The following SLC9C1 variants were observed in gnomAD, a reference collection of about 807,000 sequenced individuals.
The protein encoded by SLC9C1 is solute carrier family 9 member C1.
A neutral mutation model predicts 140.9 loss-of-function variants in SLC9C1; 97 were observed. The observed-to-expected ratio is 0.69, with a 90% CI of 0.58 to 0.82. The LOEUF (loss-of-function observed/expected upper bound fraction) is 0.82. Ranked by LOEUF, SLC9C1 falls within the 40% of genes least tolerant of loss-of-function variation. The probability of loss-of-function intolerance (pLI) is 0.00; values close to 1 mark genes in which losing one functional copy is unlikely to be tolerated. For missense variants in SLC9C1, 1,340 were observed against 1,389.3 expected, an observed-to-expected ratio of 0.96 and a Z score of 0.56; for synonymous variants, 440 against 442.6, an observed-to-expected ratio of 0.99 and a Z score of 0.07.
intron 15 of SLC9C1, among the ~76,000 whole-genome samples, chr3:112,210,432 C>G (rs761891858): frequency 6.6e-6 from 1 of 152,048 alleles, no homozygotes; most frequent in African/African-American, 2.4e-5. Context: ...GTCAAAGAAG[C>G]GAGAAACACA....
chr3:112,154,061 AT>A (rs1237314996), intron 27 of SLC9C1, among the ~76,000 whole-genome samples: 4 of 145,510 alleles, frequency 2.7e-5, no homozygotes, highest in African/African-American at 1.0e-4. Flanking sequence ...TTCAACATAT[AT>A]TTGTGAGGAG....
intron 18 of SLC9C1, among the ~76,000 whole-genome samples, 155 bp downstream of exon 18, chr3:112,202,095 T>A (rs1213695766): frequency 6.6e-6 from 1 of 151,980 alleles, no homozygotes. Context: ...AGGAGGCATT[T>A]GAGTAATTTA....
At position 112,286,879 on chromosome 3, in the gene SLC9C1, C is replaced by A; in HGVS notation, c.-87-1G>T. ...GTTGTTTTTCACAGTCCATCTGAATCTAAGAAACATAAGATTTGCCTTCTT... is the reference window on the plus strand; with the variant it reads ...GTTGTTTTTCACAGTCCATCTGAATATAAGAAACATAAGATTTGCCTTCTT... On this transcript the variant is annotated splice_acceptor_variant, in intron 1 of 28. Coordinates refer to ENST00000305815, the MANE Select transcript of SLC9C1 (RefSeq NM_183061.3). LOFTEE classifies it low-confidence loss of function (5UTR_SPLICE). The A allele has an allele frequency of 2.4e-6, 2 of 821,690 alleles. No individual in the cohort carries two copies. Among genetic ancestry groups the A allele is most frequent in the South Asian group, 2.7e-5 (1 of 36,552 alleles). 50.9% of individuals were successfully genotyped at this position (821,690 alleles called of 1,614,324 possible). A position where few individuals can be genotyped will look rare whatever the true frequency, so the allele number is the denominator to read the frequency against.
At chr3:112,220,089 C>G (rs1277803249) in intron 14 of SLC9C1, among the ~76,000 whole-genome samples, 1 of 152,134 alleles carries the variant, frequency 6.6e-6, no homozygotes, top group Non-Finnish European at 1.5e-5. Flanking sequence ...AAAGGACAAA[C>G]AGAGACCCTG....
At chr3:112,162,864 A>G (rs2075348889) in intron 26 of SLC9C1, among the ~76,000 whole-genome samples, 1 of 128,468 alleles carries the variant, frequency 7.8e-6, no homozygotes, top group South Asian at 3.1e-4. Flanking sequence ...TCCTCCTTGT[A>G]CCTCTGGTAG....
chr3:112,217,570 A>G lies in SLC9C1; in HGVS notation c.1671-9T>C, dbSNP rs755439606. 47 of 1,564,134 alleles carry G rather than the reference A, an allele frequency of 3.0e-5. No homozygotes were observed. The highest frequency in any genetic ancestry group is 1.8e-4 in the Middle Eastern group (1 of 5,608). ...TATCAAGACTCATACATCTAGAAAA[A>G]GAGAGAAATCTTTAAACATGCTTTA... On this transcript the variant is annotated splice_polypyrimidine_tract_variant and intron_variant, in intron 14 of 28. Coordinates refer to ENST00000305815, the MANE Select transcript of SLC9C1 (RefSeq NM_183061.3).
chr3:112,198,392 T>C (rs2077819516), intron 20 of SLC9C1, among the ~76,000 whole-genome samples: 1 of 151,994 alleles, frequency 6.6e-6, no homozygotes, highest in Non-Finnish European at 1.5e-5. Context: ...CTTTCCAAAA[T>C]TTTCATCTTT....
At chr3:112,256,941 A>T (rs1001105725) in intron 10 of SLC9C1, among the ~76,000 whole-genome samples, 2 of 152,108 alleles carry the variant, frequency 1.3e-5, no homozygotes, top group Non-Finnish European at 2.9e-5. Context: ...AGCCAAATCA[A>T]GAATTCAATC....
At chr3:112,250,501 A>G (rs2079424050) in intron 10 of SLC9C1, among the ~76,000 whole-genome samples, 1 of 148,400 alleles carries the variant, frequency 6.7e-6, no homozygotes, top group Admixed American at 6.8e-5. Context: ...GACTTCCACA[A>G]TGGTTGAACT....
Position 112,264,249 on chromosome 3 carries a change from C to A in SLC9C1, c.973G>T (p.Val325Phe), listed in dbSNP as rs2079855991. 7.3e-7 allele frequency: 1 copy of A among 1,378,232 alleles called. No homozygotes were observed. The highest frequency in any genetic ancestry group is 9.6e-7 in the Non-Finnish European group (1 of 1,037,926). The allele number at this position is 1,378,232 out of a possible 1,614,324, so 85.4% of individuals were successfully genotyped here. ...PAHTYLYIEF[V>F]DIYYSLNIYL... ...ATATTTAATGAATAGTATATATCAA[C>A]AAATTCTATATACAAATATGTATGT... The change falls in exon 9 of 29, where the codon GTT becomes TTT. Residue 325 changes from valine to phenylalanine, a missense_variant. Transcript: ENST00000305815.
chr3:112,167,359 C>A lies in SLC9C1; in HGVS notation c.3238-12G>T. The A allele has an allele frequency of 1.3e-6, 2 of 1,570,608 alleles. No individual in the cohort carries two copies. The highest frequency in any genetic ancestry group is 1.9e-5 in the Admixed American group (1 of 52,182). On this transcript the variant is annotated splice_polypyrimidine_tract_variant and intron_variant, in intron 25 of 28. Coordinates refer to ENST00000305815, the MANE Select transcript of SLC9C1 (RefSeq NM_183061.3). ...TCAATACTTTGTATCTGAAAGTTGA[C>A]AGAATGCAAGTTAATTTCTGAGCAA...
At chr3:112,238,523 G>T (rs1031375393) in intron 12 of SLC9C1, among the ~76,000 whole-genome samples, 17 of 152,204 alleles carry the variant, frequency 1.1e-4, no homozygotes, top group Non-Finnish European at 2.2e-4. Flanking sequence ...TTTGGAGGAG[G>T]AGAGGTGCTC....
intron 10 of SLC9C1, among the ~76,000 whole-genome samples, chr3:112,255,518 A>G (rs930889582): frequency 6.6e-6 from 1 of 152,162 alleles, no homozygotes; most frequent in Non-Finnish European, 1.5e-5. Flanking sequence ...AGAAATCAAG[A>G]AGTTCTTCAA....
chr3:112,259,974 G>C (rs1474687454), intron 10 of SLC9C1, among the ~76,000 whole-genome samples: 1 of 151,910 alleles, frequency 6.6e-6, no homozygotes, highest in Non-Finnish European at 1.5e-5. Context: ...TGCTTTTTCT[G>C]CATCAATTGA....
At position 112,216,203 on chromosome 3, in the gene SLC9C1, A is replaced by G. The variant is rs867747401; in HGVS notation, c.1790+1239T>C. On this transcript the variant is annotated intron_variant, in intron 15 of 28. Coordinates refer to ENST00000305815, the MANE Select transcript of SLC9C1 (RefSeq NM_183061.3). ...TTCCTTACACCTTATACAAAAATCA[A>G]TTCAAGATGGATTAAAGACTTAAAT... Among the ~76,000 whole-genome samples the G allele has an allele frequency of 5.3e-5, 8 of 152,226 alleles. No homozygotes were observed. The South Asian group carries it at 1.7e-3, about 31-fold the overall frequency.
chr3:112,186,058 A>G (rs929835578), intron 20 of SLC9C1: 67 of 1,196,896 alleles, frequency 5.6e-5, no homozygotes, highest in Non-Finnish European at 7.2e-5. Flanking sequence ...TGCACAGTGC[A>G]CTTTCAAATC....
At chr3:112,233,109 C>T (rs1434893838) in intron 12 of SLC9C1, among the ~76,000 whole-genome samples, 6 of 148,778 alleles carry the variant, frequency 4.0e-5, no homozygotes, top group Non-Finnish European at 7.4e-5. Context: ...CTCTTTGCTG[C>T]CCAGGCTGGA....
Position 112,244,037 on chromosome 3 carries a change from CA to C in SLC9C1, c.1236del (p.Val413LeufsTer14). ...ACTGGCAAAATAAATCTATTGACAA[CA>C]AGGGTTATTAGGCATACTAACACTC... ...FHGVLVCLITLVVNRFILPVA... is the reference protein window; with the variant it reads ...FHGVLVCLITXVVNRFILPVA... On this transcript the variant is annotated frameshift_variant, in exon 11 of 29. Transcript: ENST00000305815. LOFTEE classifies it high-confidence loss of function. The C allele has an allele frequency of 6.2e-7, 1 of 1,606,610 alleles. No individual in the cohort carries two copies. Among genetic ancestry groups the C allele is most frequent in the South Asian group, 1.1e-5 (1 of 89,720 alleles).
At chr3:112,260,727 A>G (rs547512281) in intron 10 of SLC9C1, among the ~76,000 whole-genome samples, 1 of 152,156 alleles carries the variant, frequency 6.6e-6, no homozygotes, top group South Asian at 2.1e-4. Flanking sequence ...AACTTAACCT[A>G]TGTGGTTTTC....
Sources: allele counts gnomAD v4.1 joint callset (sites outside exome capture counted in the v4.1 genomes callset), GRCh38; gene constraint gnomAD v4.1.1; transcripts MANE v1.5; gene names NCBI Gene and HGNC (gene_info 2026-07-23, HGNC 2026-07-21).